NRIP2: variants seen among roughly 807,000 people sequenced by gnomAD.
NRIP2 encodes the protein nuclear receptor-interacting protein 2.
NRIP2 carries 27 observed loss-of-function variants against 34.1 expected under a neutral mutation model. That is an observed-to-expected ratio of 0.79 (90% CI 0.58 to 1.09). The LOEUF (loss-of-function observed/expected upper bound fraction) is 1.09. Among genes scored for constraint, NRIP2 ranks in the 50% least tolerant of loss-of-function variants. The probability of loss-of-function intolerance (pLI) is 0.00; values close to 1 mark genes in which losing one functional copy is unlikely to be tolerated. For missense variants in NRIP2, 385 were observed against 352.6 expected (o/e 1.09, Z -0.74); for synonymous variants, 145 against 146.9 (o/e 0.99, Z 0.09).
In NRIP2 at chr12:2,826,190, C is replaced by G. The variant is rs373673432; in HGVS notation, c.*1017G>C. 2.0e-5 allele frequency: 3 copies of G among 147,850 alleles called. No homozygotes were observed. The highest frequency in any genetic ancestry group is 7.5e-5 in the African/African-American group (3 of 39,872). 9.2% of individuals were successfully genotyped at this position (147,850 alleles called of 1,614,324 possible). ...ATTCAAAAAAGCCTCTGTCTCCTGA[C>G]AGACCCCAAACTTTAAAAAAAAAAA... On this transcript the variant is annotated 3_prime_UTR_variant, in exon 6 of 6. Transcript: ENST00000337508.
Position 2,827,635 on chromosome 12 carries a change from A to G in NRIP2, c.743T>C (p.Leu248Pro). The change falls in exon 5 of 6, where the codon CTT (leucine) becomes CCT (proline). Residue 248 changes from leucine (L) to proline (P), a missense_variant. Coordinates refer to ENST00000337508, the MANE Select transcript of NRIP2 (RefSeq NM_031474.3). This position sits in a 1 kb window ranked among gnomAD's most constrained non-coding sequence, Gnocchi z 4.0. ...PEFCLGLQTL[L>P]SLKCCIDLEH... ...GAGTGGGTGCCTTACCTTGAGAGAA[A>G]GCAGAGTCTGCAGGCCCAGGCAGAA... 1 of 1,614,178 alleles carries G rather than the reference A, an allele frequency of 6.2e-7. No individual in the cohort carries two copies. Among genetic ancestry groups the G allele is most frequent in the Non-Finnish European group, 8.5e-7 (1 of 1,180,042 alleles).
chr12:2,828,785 T>C (rs1267043812), intron 2 of NRIP2, among the ~76,000 whole-genome samples: 3 of 152,122 alleles, frequency 2.0e-5, no homozygotes, highest in Admixed American at 1.3e-4. Context: ...GAGGTTGTGG[T>C]GAGCCAAGAT....
At chr12:2,833,286 C>T (rs1010297224) in intron 1 of NRIP2, among the ~76,000 whole-genome samples, 5 of 152,042 alleles carry the variant, frequency 3.3e-5, no homozygotes, top group Admixed American at 1.3e-4. Context: ...CATTGAGAGC[C>T]GAAGAACCCG....
At chr12:2,834,565 T>C in intron 1 of NRIP2, 77 bp downstream of exon 1, 1 of 1,510,824 alleles carries the variant, frequency 6.6e-7, no homozygotes, top group Non-Finnish European at 8.8e-7. Context: ...CACTTTCTGG[T>C]CCTGCCTCCT....
chr12:2,827,064 A>T lies in NRIP2; in HGVS notation c.*143T>A, dbSNP rs914432732. ...AGAGAGGAATGCGGCCAGCTGGGGA[A>T]AATGGGACAGCAGGGGTCAGGGAGG... is the stretch of plus-strand genomic sequence containing the variant. On this transcript the variant is annotated 3_prime_UTR_variant, in exon 6 of 6. Transcript: ENST00000337508. The surrounding 1 kb of genome is among the most constrained non-coding windows in gnomAD (Gnocchi z 4.0). 5.4e-6 allele frequency: 8 copies of T among 1,484,580 alleles called. No homozygotes were observed. The highest frequency in any genetic ancestry group is 5.3e-5 in the Admixed American group (2 of 37,688). 92.0% of individuals were successfully genotyped at this position (1,484,580 alleles called of 1,614,324 possible).
rs368189033 is a variant in NRIP2 at position 2,827,698 on chromosome 12, C to G, written c.701-21G>C. The G allele has an allele frequency of 5.0e-6, 8 of 1,613,904 alleles. No homozygotes were observed. Among genetic ancestry groups the G allele is most frequent in the East Asian group, 2.2e-5 (1 of 44,890 alleles). On this transcript the variant is annotated intron_variant, in intron 4 of 5. Coordinates refer to ENST00000337508, the MANE Select transcript of NRIP2 (RefSeq NM_031474.3). The surrounding 1 kb of genome is among the most constrained non-coding windows in gnomAD (Gnocchi z 4.0). ...AGCATCTATAGGAACAATTTGAAAACAGAAGAGGCTGAGGGTTCCCAGTGG... is the reference window on the plus strand; with the variant it reads ...AGCATCTATAGGAACAATTTGAAAAGAGAAGAGGCTGAGGGTTCCCAGTGG...
chr12:2,826,795 T>G lies in NRIP2; in HGVS notation c.*412A>C. On this transcript the variant is annotated 3_prime_UTR_variant, in exon 6 of 6. Transcript: ENST00000337508. ...GTGGGAGATAATGAGGCCCAGAAGG[T>G]GTGGTGAGAGACATGGTGGTGTGGG... The G allele has an allele frequency of 8.5e-6, 2 of 234,470 alleles. No homozygotes were observed. 14.5% of individuals were successfully genotyped at this position (234,470 alleles called of 1,614,324 possible). A position where few individuals can be genotyped will look rare whatever the true frequency, so the allele number is the denominator to read the frequency against.
rs372222206 is a variant in NRIP2 at position 2,827,088 on chromosome 12, G to A, written c.*119C>T. 160 of 1,534,566 alleles carry A rather than the reference G, an allele frequency of 1.0e-4. No homozygotes were observed. In the African/African-American group the frequency reaches 1.9e-3, roughly 19 times the overall value. ...AAAATGGGACAGCAGGGGTCAGGGA[G>A]GTGATTGGAAGGGCAGACACCATAG... On this transcript the variant is annotated 3_prime_UTR_variant, in exon 6 of 6. Transcript: ENST00000337508. The surrounding 1 kb of genome is among the most constrained non-coding windows in gnomAD (Gnocchi z 4.0).
At chr12:2,832,747 C>A (rs1193045168) in intron 1 of NRIP2, among the ~76,000 whole-genome samples, 1 of 149,382 alleles carries the variant, frequency 6.7e-6, no homozygotes, top group African/African-American at 2.5e-5. Context: ...GGCTCAGCAT[C>A]TAGTAGGCAC....
intron 3 of NRIP2, 110 bp downstream of exon 3, chr12:2,828,222 C>G: frequency 8.4e-7 from 1 of 1,195,686 alleles, no homozygotes; most frequent in South Asian, 1.3e-5. Flanking sequence ...TAAATAACAG[C>G]TTTATTGAGA....
At chr12:2,828,145 AC>A in intron 3 of NRIP2, 98 bp from the exon 4 acceptor site, 1 of 1,265,004 alleles carries the variant, frequency 7.9e-7, no homozygotes, top group South Asian at 1.3e-5. Context: ...TTCATCTCCA[AC>A]CCCTGACCTC....
At chr12:2,830,026 A>G (rs1477825003) in intron 2 of NRIP2, among the ~76,000 whole-genome samples, 1 of 148,934 alleles carries the variant, frequency 6.7e-6, no homozygotes, top group Non-Finnish European at 1.5e-5. Context: ...GCAGTGACAC[A>G]AGATCATGCC....
chr12:2,828,539 T>TA, intron 2 of NRIP2, 125 bp from the exon 3 acceptor site: 1 of 791,730 alleles, frequency 1.3e-6, no homozygotes. Context: ...GAACTGTCTT[T>TA]AAAACTGGCT....
In NRIP2 at chr12:2,826,963, A is replaced by C; in HGVS notation, c.*244T>G. ...TTTGGCTTTGCTTTTCTTGGGAGGA[A>C]GATGAATCAGAATCCTGGCATCGTG... On this transcript the variant is annotated 3_prime_UTR_variant, in exon 6 of 6. Transcript: ENST00000337508. The C allele has an allele frequency of 7.5e-7, 1 of 1,331,454 alleles. No homozygotes were observed. Among genetic ancestry groups the C allele is most frequent in the Non-Finnish European group, 9.6e-7 (1 of 1,042,012 alleles). The allele number at this position is 1,331,454 out of a possible 1,614,324, so 82.5% of individuals were successfully genotyped here. A position where few individuals can be genotyped will look rare whatever the true frequency, so the allele number is the denominator to read the frequency against.
rs371721141 is a variant in NRIP2 at position 2,827,981 on chromosome 12, C to T, written c.645G>A (p.Glu215=). 11 of 1,614,108 alleles carry T rather than the reference C, an allele frequency of 6.8e-6. No homozygotes were observed. Among genetic ancestry groups the T allele is most frequent in the South Asian group, 2.2e-5 (2 of 91,088 alleles). ...DLAPGPPTQV[E]QLELQLGQET... ...CCTGCCCCAGCTGTAGCTCCAACTGCTCCACCTGGGTTGGGGGCCCAGGGG... is the reference window on the plus strand; with the variant it reads ...CCTGCCCCAGCTGTAGCTCCAACTGTTCCACCTGGGTTGGGGGCCCAGGGG... Residue 215 remains glutamate, a synonymous_variant, in exon 4 of 6, where the codon GAG becomes GAA. Coordinates refer to ENST00000337508, the MANE Select transcript of NRIP2 (RefSeq NM_031474.3). The surrounding 1 kb of genome is among the most constrained non-coding windows in gnomAD (Gnocchi z 4.0).
In NRIP2 at chr12:2,826,087, A is replaced by T. The variant is rs1489144118; in HGVS notation, c.*1120T>A. On this transcript the variant is annotated 3_prime_UTR_variant, in exon 6 of 6. Coordinates refer to ENST00000337508, the MANE Select transcript of NRIP2 (RefSeq NM_031474.3). ...CCTCTTTCTTTACTCCTAATCCATGATTTGAGAGACTCAAACCAGCCAGAA... is the reference window on the plus strand; with the variant it reads ...CCTCTTTCTTTACTCCTAATCCATGTTTTGAGAGACTCAAACCAGCCAGAA... The T allele has an allele frequency of 6.6e-6, 1 of 151,840 alleles. No homozygotes were observed. Among genetic ancestry groups the T allele is most frequent in the African/African-American group, 2.4e-5 (1 of 41,310 alleles). 9.4% of individuals were successfully genotyped at this position (151,840 alleles called of 1,614,324 possible).
intron 2 of NRIP2, among the ~76,000 whole-genome samples, chr12:2,829,825 C>T (rs1177275006): frequency 6.9e-6 from 1 of 143,896 alleles, no homozygotes; most frequent in Non-Finnish European, 1.5e-5. Flanking sequence ...CGCCTGTAAT[C>T]CCAGCACTTT....
intron 3 of NRIP2, 55 bp downstream of exon 3, chr12:2,828,277 A>G: frequency 6.8e-7 from 1 of 1,468,542 alleles, no homozygotes; most frequent in Non-Finnish European, 9.5e-7. Context: ...GAATATTTTC[A>G]TCACCCCAAA....
intron 1 of NRIP2, among the ~76,000 whole-genome samples, chr12:2,834,070 T>C (rs899937424): frequency 2.0e-5 from 3 of 152,120 alleles, no homozygotes; most frequent in Non-Finnish European, 4.4e-5. Flanking sequence ...AGACATGGGA[T>C]GGGAGGAGAG....
Sources: gnomAD v4.1 joint callset for allele counts (sites outside exome capture counted in the v4.1 genomes callset) on GRCh38, gnomAD v4.1.1 for gene constraint, Gnocchi (gnomAD v3.1) non-coding constraint, MANE v1.5 for transcripts, NCBI Gene and HGNC (gene_info 2026-07-23, HGNC 2026-07-21) for gene names.